The following NKTR variants were observed in gnomAD, a reference collection of about 807,000 sequenced individuals.
The protein encoded by NKTR is natural killer cell triggering receptor.
Under a neutral mutation model 156.3 loss-of-function variants are expected in NKTR, and 67 were observed. That is an observed-to-expected ratio of 0.43 (90% CI 0.35 to 0.53). The LOEUF (loss-of-function observed/expected upper bound fraction) is 0.53, where lower values mean the gene tolerates loss of function less well. NKTR is among the 20% of genes least tolerant of loss of function. The pLI, the probability that NKTR is intolerant of heterozygous loss-of-function variation, is 0.01. For missense variants in NKTR, 1,604 were observed against 1,730.9 expected, an observed-to-expected ratio of 0.93 and a Z score of 1.30; for synonymous variants, 640 against 596.6, an observed-to-expected ratio of 1.07 and a Z score of -1.06.
chr3:42,629,085 CT>C (rs1271912801), intron 6 of NKTR: 1 of 950,836 alleles, frequency 1.1e-6, no homozygotes, highest in Non-Finnish European at 1.3e-6. Context: ...AATTTCTTGT[CT>C]TTAGTGTACT....
intron 2 of NKTR, among the ~76,000 whole-genome samples, chr3:42,609,569 A>G (rs990322650): frequency 1.3e-5 from 2 of 152,226 alleles, no homozygotes; most frequent in Non-Finnish European, 2.9e-5. Context: ...AACCTTCAGG[A>G]TCATTTTGTC....
chr3:42,639,796 AT>A (rs758061143), intron 13 of NKTR, 46 bp downstream of exon 13: 2 of 1,295,356 alleles, frequency 1.5e-6, no homozygotes, highest in South Asian at 1.4e-5. Flanking sequence ...AGAGTCTGTT[AT>A]TGTTTAGCTT....
At chr3:42,624,012 CA>C (rs1413812101) in intron 6 of NKTR, among the ~76,000 whole-genome samples, 1 of 152,094 alleles carries the variant, frequency 6.6e-6, no homozygotes, top group African/African-American at 2.4e-5. Context: ...AGACATCCCT[CA>C]AGGATTCTTA....
chr3:42,605,674 G>A (rs1052721270), intron 2 of NKTR, among the ~76,000 whole-genome samples: 3 of 152,202 alleles, frequency 2.0e-5, no homozygotes, highest in Admixed American at 6.5e-5. Flanking sequence ...ATGGGATCTG[G>A]TTTGTTCTGA....
chr3:42,637,470 T>C lies in NKTR; in HGVS notation c.1766T>C (p.Met589Thr). The change falls in exon 13 of 17, where the codon ATG becomes ACG. Residue 589 changes from methionine (M) to threonine (T), a missense_variant. Physicochemically the swap from Met to Thr is moderately conservative, Grantham distance 81. Around this residue, in one of 6 missense-constraint regions of NKTR, gnomAD observed 1,255 missense variants for 1,243.7 expected, o/e 1.01. Transcript: ENST00000232978. The part of the protein sequence containing the change: ...PVKTEPLRAT[M>T]AQNENVVVQP... ...AAAACAGAACCTTTAAGAGCAACCA[T>C]GGCACAAAATGAAAATGTAGTAGTA... 1 of 1,613,466 alleles carries C rather than the reference T, an allele frequency of 6.2e-7. No homozygotes were observed. The highest frequency in any genetic ancestry group is 8.5e-7 in the Non-Finnish European group (1 of 1,179,828).
chr3:42,601,146 C>G, intron 2 of NKTR, 82 bp downstream of exon 2: 1 of 1,227,500 alleles, frequency 8.1e-7, no homozygotes, highest in Admixed American at 2.9e-5. Context: ...CAACCCTCCC[C>G]CGGCCTTTTT....
intron 7 of NKTR, chr3:42,630,896 G>C (rs1179716853): frequency 7.3e-7 from 1 of 1,367,342 alleles, no homozygotes; most frequent in African/African-American, 1.5e-5. Context: ...AGGTTCCCAA[G>C]TACCAAGCGA....
At position 42,601,079 on chromosome 3, in the gene NKTR, G is replaced by A. The variant is rs202227412; in HGVS notation, c.58+15G>A. On this transcript the variant is annotated intron_variant, in intron 2 of 16. Transcript: ENST00000232978. ...CCGGGAGCCGGGTGAGCTGGAAACT[G>A]GGGAGCGCTGCTGGGGCCGAGGCCT... The A allele has an allele frequency of 1.9e-6, 3 of 1,555,672 alleles. No homozygotes were observed. Among genetic ancestry groups the A allele is most frequent in the African/African-American group, 2.8e-5 (2 of 71,862 alleles).
At position 42,637,009 on chromosome 3, in the gene NKTR, G is replaced by A. The variant is rs749415885; in HGVS notation, c.1305G>A (p.Lys435=). ...GHHKKRRKEK[K]VKHKKKGKKQ... ...ATAAAAAACGCAGAAAAGAAAAAAAGGTTAAGCATAAAAAGAAAGGGAAAA... is the reference window on the plus strand; with the variant it reads ...ATAAAAAACGCAGAAAAGAAAAAAAAGTTAAGCATAAAAAGAAAGGGAAAA... Residue 435 remains lysine (K), a synonymous_variant, in exon 13 of 17, where the codon AAG becomes AAA. Coordinates refer to ENST00000232978, the MANE Select transcript of NKTR (RefSeq NM_005385.4). 1.2e-6 allele frequency: 2 copies of A among 1,612,852 alleles called. No homozygotes were observed. The highest frequency in any genetic ancestry group is 1.7e-6 in the Non-Finnish European group (2 of 1,179,712).
At chr3:42,610,593 G>T (rs1397782174) in intron 2 of NKTR, among the ~76,000 whole-genome samples, 1 of 150,462 alleles carries the variant, frequency 6.6e-6, no homozygotes, top group Non-Finnish European at 1.5e-5. Flanking sequence ...TCTATCGTGG[G>T]ATTTTTTTTT....
intron 2 of NKTR, among the ~76,000 whole-genome samples, chr3:42,613,322 T>C (rs1707023510): frequency 6.6e-6 from 1 of 152,188 alleles, no homozygotes; most frequent in African/African-American, 2.4e-5. Context: ...ATGGGTAAGA[T>C]CTCAGTAAAT....
intron 11 of NKTR, 111 bp from the exon 12 acceptor site, chr3:42,635,110 T>A: frequency 3.3e-6 from 2 of 612,272 alleles, no homozygotes; most frequent in Non-Finnish European, 2.6e-6. Flanking sequence ...GTAACTTCAA[T>A]CATTACCTTT....
Position 42,639,633 on chromosome 3 carries a change from A to C in NKTR, c.3929A>C (p.Gln1310Pro). 1 of 1,614,128 alleles carries C rather than the reference A, an allele frequency of 6.2e-7. No individual in the cohort carries two copies. Among genetic ancestry groups the C allele is most frequent in the South Asian group, 1.1e-5 (1 of 91,078 alleles). ...EQTPSRDDDS[Q>P]SRSPSRSRSK... is the part of the protein sequence containing the mutation. ...ACGCCTAGTCGGGATGATGATAGCC[A>C]GTCCAGGAGTCCAAGTAGATCTCGA... The change falls in exon 13 of 17, where the codon CAG (glutamine) becomes CCG (proline). Residue 1310 changes from glutamine (Q) to proline (P), a missense_variant. Gln to Pro is a moderately conservative substitution (Grantham distance 76). This residue lies in a region of NKTR where 193 missense variants were observed against 220.2 expected (regional missense o/e 0.88). Coordinates refer to ENST00000232978, the MANE Select transcript of NKTR (RefSeq NM_005385.4).
At chr3:42,628,181 C>G in intron 6 of NKTR, 1 of 985,272 alleles carries the variant, frequency 1.0e-6, no homozygotes, top group Middle Eastern at 5.2e-4. Context: ...ACTTATATTT[C>G]TGTATCTTGA....
chr3:42,642,748 T>C, intron 14 of NKTR, 152 bp downstream of exon 14: 1 of 638,904 alleles, frequency 1.6e-6, no homozygotes, highest in Non-Finnish European at 2.9e-6. Context: ...ATGTAAGAGC[T>C]GTGGAATTCT....
chr3:42,630,276 A>G (rs1708768994), intron 6 of NKTR: 1 of 1,200,252 alleles, frequency 8.3e-7, no homozygotes, highest in Non-Finnish European at 1.0e-6. Context: ...ATTTATGGCT[A>G]CAAGTCAAAC....
Position 42,647,919 on chromosome 3 carries a change from G to C in NKTR, c.*1944G>C, listed in dbSNP as rs140686142. On this transcript the variant is annotated 3_prime_UTR_variant, in exon 17 of 17. Transcript: ENST00000232978. ...AGTGTGGCTGGATTCTCTGCTCAGG[G>C]TCTTAAAGGCTGAAATAAGGGTTGG... 2.0e-5 allele frequency: 3 copies of C among 152,316 alleles called. No homozygotes were observed. Among genetic ancestry groups the C allele is most frequent in the African/African-American group, 7.2e-5 (3 of 41,570 alleles). 9.4% of individuals were successfully genotyped at this position (152,316 alleles called of 1,614,324 possible).
chr3:42,643,505 T>C lies in NKTR; in HGVS notation c.4199+110T>C, dbSNP rs531316445. ...TTGAGTAACTAAATGCATATATTTGTCTCCTGAAACCATACCTTTTCTAAA... is the reference window on the plus strand; with the variant it reads ...TTGAGTAACTAAATGCATATATTTGCCTCCTGAAACCATACCTTTTCTAAA... On this transcript the variant is annotated intron_variant, in intron 15 of 16. Transcript: ENST00000232978. The C allele has an allele frequency of 2.7e-5, 24 of 889,612 alleles. 1 individual carries two copies. The South Asian group carries it at 3.1e-4, about 12-fold the overall frequency. 55.1% of individuals were successfully genotyped at this position (889,612 alleles called of 1,614,324 possible). A position where few individuals can be genotyped will look rare whatever the true frequency, so the allele number is the denominator to read the frequency against.
rs550091990 is a variant in NKTR at position 42,612,758 on chromosome 3, A to G, written c.59-4812A>G. Among the ~76,000 whole-genome samples, 26 of 152,242 alleles carry G rather than the reference A, an allele frequency of 1.7e-4. No individual in the cohort carries two copies. In the East Asian group the frequency reaches 4.6e-3, roughly 27 times the overall value. The stretch of plus-strand genomic sequence containing the variant: ...CTGTGCTCAGTTGTCTCCAGTTTGT[A>G]ATATAAGGTGTCTGAAGCTGGTCTT... On this transcript the variant is annotated intron_variant, in intron 2 of 16. Coordinates refer to ENST00000232978, the MANE Select transcript of NKTR (RefSeq NM_005385.4).
Sources: gnomAD v4.1 joint callset for allele counts (sites outside exome capture counted in the v4.1 genomes callset) on GRCh38, gnomAD v4.1.1 for gene constraint, gnomAD v4.1.1 regional missense constraint, MANE v1.5 for transcripts, NCBI Gene and HGNC (gene_info 2026-07-23, HGNC 2026-07-21) for gene names.